Variants in TAF4 observed in about 807,000 individuals in gnomAD.
TAF4 encodes the protein TATA-box binding protein associated factor 4.
TAF4 carries 9 observed loss-of-function variants against 90.3 expected under a neutral mutation model. The ratio of observed to expected loss-of-function variants is 0.10; its 90% CI spans 0.06 to 0.17. The LOEUF (loss-of-function observed/expected upper bound fraction) is 0.17. TAF4 is among the 10% of genes least tolerant of loss of function. The pLI is 1.00. For missense variants in TAF4, 1,351 were observed against 1,370.7 expected, an observed-to-expected ratio of 0.99 and a Z score of 0.23; for synonymous variants, 818 against 638.9, an observed-to-expected ratio of 1.28 and a Z score of -4.23.
intron 6 of TAF4, chr20:62,007,104 A>C: frequency 7.3e-6 from 2 of 275,348 alleles, no homozygotes; most frequent in East Asian, 6.4e-5. Flanking sequence ...GACCCCAAAT[A>C]TCCTGATTCT....
At chr20:62,015,977 C>T (rs1310298305) in intron 1 of TAF4, among the ~76,000 whole-genome samples, 1 of 152,168 alleles carries the variant, frequency 6.6e-6, no homozygotes, top group Non-Finnish European at 1.5e-5. Flanking sequence ...TGAAATCAAA[C>T]AAAAACCAAA....
intron 1 of TAF4, among the ~76,000 whole-genome samples, chr20:62,016,668 C>T (rs1020982356): frequency 1.3e-5 from 2 of 152,232 alleles, no homozygotes; most frequent in Non-Finnish European, 2.9e-5. Context: ...CAGGTGCACA[C>T]AGCCTATTGA....
At chr20:62,040,764 A>G (rs1023386342) in intron 1 of TAF4, among the ~76,000 whole-genome samples, 3 of 152,248 alleles carry the variant, frequency 2.0e-5, no homozygotes, top group Admixed American at 1.3e-4. Flanking sequence ...CCGCTCAGGA[A>G]CACAGCCTGG....
intron 14 of TAF4, among the ~76,000 whole-genome samples, chr20:61,984,161 T>G (rs1460570243): frequency 6.6e-6 from 1 of 151,946 alleles, no homozygotes; most frequent in East Asian, 1.9e-4. Flanking sequence ...GAGGAGCGGC[T>G]CGGGGATGTC....
At chr20:61,979,747 T>G (rs62207106) in intron 14 of TAF4, among the ~76,000 whole-genome samples, 18,252 of 65,372 alleles carry the variant, frequency 0.28, 1,344 homozygotes, top group East Asian at 0.57. Context: ...ACTCCAGAGG[T>G]ACTGCGGCAT....
chr20:62,047,973 C>A (rs2056003252), intron 1 of TAF4, among the ~76,000 whole-genome samples: 1 of 152,202 alleles, frequency 6.6e-6, no homozygotes, highest in African/African-American at 2.4e-5. Flanking sequence ...ACATCAGGGC[C>A]ATCCCAGACC....
intron 1 of TAF4, among the ~76,000 whole-genome samples, chr20:62,030,969 G>C (rs2055901454): frequency 6.6e-6 from 1 of 152,158 alleles, no homozygotes; most frequent in Non-Finnish European, 1.5e-5. Context: ...TGAAATGCCT[G>C]AGTCTATTTG....
At chr20:61,996,139 C>A (rs1245397833) in intron 14 of TAF4, among the ~76,000 whole-genome samples, 2 of 152,156 alleles carry the variant, frequency 1.3e-5, no homozygotes, top group African/African-American at 2.4e-5. Context: ...ATGAAGCATA[C>A]CACGTACAGG....
In TAF4 at chr20:62,014,690, T is replaced by C; in HGVS notation, c.1378A>G (p.Ser460Gly). 1 of 1,613,756 alleles carries C rather than the reference T, an allele frequency of 6.2e-7. No homozygotes were observed. The highest frequency in any genetic ancestry group is 8.5e-7 in the Non-Finnish European group (1 of 1,179,906). Residue 460 changes from serine to glycine, a missense_variant, in exon 2 of 15, where the codon AGT becomes GGT. Physicochemically the swap from Ser to Gly is moderately conservative, Grantham distance 56. Coordinates refer to ENST00000252996, the MANE Select transcript of TAF4 (RefSeq NM_003185.4). ...ATCATTAACAACTGCCCATTCTCAC[T>C]TCGGACGAGGACCATTCCTGCAGAC... ...QLPPGMVLVR[S>G]ENGQLLMIPQ...
intron 1 of TAF4, among the ~76,000 whole-genome samples, chr20:62,057,036 G>A (rs1240782725): frequency 6.6e-6 from 1 of 152,212 alleles, no homozygotes; most frequent in Non-Finnish European, 1.5e-5. Flanking sequence ...ACACCACGGA[G>A]ACCACGCTCC....
intron 1 of TAF4, among the ~76,000 whole-genome samples, chr20:62,041,789 A>T (rs1205846776): frequency 1.3e-5 from 2 of 151,524 alleles, no homozygotes; most frequent in Non-Finnish European, 2.9e-5. Flanking sequence ...AAATTGAAAC[A>T]TCAGCCAGGC....
At chr20:62,039,740 C>A (rs1006125647) in intron 1 of TAF4, among the ~76,000 whole-genome samples, 1 of 152,218 alleles carries the variant, frequency 6.6e-6, no homozygotes, top group Non-Finnish European at 1.5e-5. Context: ...CAGAACAATT[C>A]TATCTGATAA....
intron 14 of TAF4, among the ~76,000 whole-genome samples, chr20:61,982,369 A>G (rs1418351469): frequency 4.3e-4 from 1 of 2,338 alleles, no homozygotes; most frequent in African/African-American, 1.5e-3. Flanking sequence ...CCAAACCCAT[A>G]CCCACCCGGA....
intron 1 of TAF4, among the ~76,000 whole-genome samples, chr20:62,048,741 C>T (rs1266074446): frequency 6.6e-6 from 1 of 150,686 alleles, no homozygotes; most frequent in Non-Finnish European, 1.5e-5. Flanking sequence ...TCCCCACATG[C>T]CCACCTTGGT....
intron 1 of TAF4, among the ~76,000 whole-genome samples, chr20:62,021,547 G>A (rs1237774231): frequency 6.6e-6 from 1 of 152,272 alleles, no homozygotes; most frequent in Non-Finnish European, 1.5e-5. Context: ...CCAACGCGGA[G>A]TCGGCCAGGG....
Position 62,065,487 on chromosome 20 carries a change from G to C in TAF4, c.324C>G (p.Pro108=). ...CGGGGACAAGGGGGCGGCGCGGTGA[G>C]GGGGGGCCCGGGCGCTGCGGCCCCC... The part of the protein sequence containing the change: ...GGGGPQRPGP[P]SPRRPLVPAG... Residue 108 remains proline, a synonymous_variant, in exon 1 of 15, where the codon CCC becomes CCG. Transcript: ENST00000252996. 1 of 964,628 alleles carries C rather than the reference G, an allele frequency of 1.0e-6. No homozygotes were observed. Among genetic ancestry groups the C allele is most frequent in the Non-Finnish European group, 1.2e-6 (1 of 814,438 alleles). The allele number at this position is 964,628 out of a possible 1,614,324, so 59.8% of individuals were successfully genotyped here. A position where few individuals can be genotyped will look rare whatever the true frequency, so the allele number is the denominator to read the frequency against.
At chr20:62,000,367 G>A in intron 10 of TAF4, 113 bp from the exon 11 acceptor site, 1 of 1,479,130 alleles carries the variant, frequency 6.8e-7, no homozygotes, top group Non-Finnish European at 9.1e-7. Context: ...GGGGAGCCCA[G>A]AAAGGCTGGT....
chr20:62,013,928 T>TGC (rs2055795325), intron 2 of TAF4, among the ~76,000 whole-genome samples: 1 of 148,616 alleles, frequency 6.7e-6, no homozygotes, highest in Non-Finnish European at 1.5e-5. Context: ...TGTGTGTGTG[T>TGC]GTGTGTGTGT....
chr20:62,048,111 C>T (rs997813951), intron 1 of TAF4, among the ~76,000 whole-genome samples: 8 of 152,188 alleles, frequency 5.3e-5, no homozygotes, highest in East Asian at 3.9e-4. Flanking sequence ...TCTGAAAATC[C>T]CTGAAGCCCT....
Sources: gnomAD v4.1 joint callset for allele counts (sites outside exome capture counted in the v4.1 genomes callset) on GRCh38, gnomAD v4.1.1 for gene constraint, MANE v1.5 for transcripts, NCBI Gene and HGNC (gene_info 2026-07-23, HGNC 2026-07-21) for gene names.